The following AGFG1 variants were observed in gnomAD, a reference collection of about 807,000 sequenced individuals.
The protein encoded by AGFG1 is ArfGAP with FG repeats 1.
Under a neutral mutation model 60.6 loss-of-function variants are expected in AGFG1, and 10 were observed. The observed-to-expected ratio is 0.16, with a 90% CI of 0.10 to 0.28. The LOEUF (loss-of-function observed/expected upper bound fraction) is 0.28. AGFG1 is among the 10% of genes least tolerant of loss of function. AGFG1 has a pLI of 1.00. For synonymous variants in AGFG1, 247 were observed against 242.9 expected (o/e 1.02, Z -0.16); for missense variants, 537 against 676.5 (o/e 0.79, Z 2.29).
intron 10 of AGFG1, among the ~76,000 whole-genome samples, chr2:227,538,281 A>G (rs898048505): frequency 1.1e-4 from 16 of 152,222 alleles, no homozygotes; most frequent in African/African-American, 3.9e-4. Context: ...CAGGCCCAGA[A>G]AAGTTAATTG....
intron 5 of AGFG1, among the ~76,000 whole-genome samples, chr2:227,530,470 A>G (rs974779796): frequency 3.9e-5 from 6 of 152,128 alleles, no homozygotes; most frequent in Non-Finnish European, 8.8e-5. Flanking sequence ...TATATGCTAT[A>G]ATTTCTATGC....
At chr2:227,519,700 C>T (rs1195657985) in intron 2 of AGFG1, among the ~76,000 whole-genome samples, 5 of 148,038 alleles carry the variant, frequency 3.4e-5, no homozygotes, top group Non-Finnish European at 5.9e-5. Flanking sequence ...ACTGAAAAGA[C>T]CCCAGGTCCT....
intron 10 of AGFG1, among the ~76,000 whole-genome samples, chr2:227,546,147 C>G (rs1283519765): frequency 2.0e-5 from 3 of 152,208 alleles, no homozygotes; most frequent in African/African-American, 7.2e-5. Context: ...CCACCTAGTT[C>G]AAGCTTCCTG....
intron 2 of AGFG1, among the ~76,000 whole-genome samples, chr2:227,519,079 G>A (rs1273596497): frequency 3.3e-5 from 5 of 152,196 alleles, no homozygotes. Context: ...GGAGGCTGAA[G>A]TGGGAGGATG....
At chr2:227,524,667 G>C in intron 4 of AGFG1, 95 bp from the exon 5 acceptor site, 1 of 1,274,808 alleles carries the variant, frequency 7.8e-7, no homozygotes, top group Non-Finnish European at 1.1e-6. Flanking sequence ...GTAACTCTTC[G>C]TATGTATAAG....
intron 10 of AGFG1, 130 bp from the exon 11 acceptor site, chr2:227,551,829 G>T (rs1692830206): frequency 9.0e-7 from 1 of 1,116,536 alleles, no homozygotes; most frequent in Non-Finnish European, 1.3e-6. Context: ...TGGAATTTTG[G>T]AATTAACCCT....
At chr2:227,553,000 CAA>C (rs5839220) in intron 11 of AGFG1, among the ~76,000 whole-genome samples, 23 of 92,370 alleles carry the variant, frequency 2.5e-4, no homozygotes, top group Admixed American at 5.3e-4. Context: ...AATTCCATCT[CAA>C]AAAAAAAAAA....
At chr2:227,538,568 A>T (rs1027562110) in intron 10 of AGFG1, among the ~76,000 whole-genome samples, 3 of 152,190 alleles carry the variant, frequency 2.0e-5, no homozygotes, top group African/African-American at 4.8e-5. Context: ...CTGAGCCTTC[A>T]TGTTGTCCCT....
chr2:227,505,587 T>C (rs1196144953), intron 2 of AGFG1, among the ~76,000 whole-genome samples: 1 of 152,166 alleles, frequency 6.6e-6, no homozygotes, highest in African/African-American at 2.4e-5. Context: ...AAGCTCTAAT[T>C]TTTAACTTTA....
intron 11 of AGFG1, among the ~76,000 whole-genome samples, chr2:227,552,458 A>AT (rs779323191): frequency 9.9e-5 from 15 of 151,194 alleles, no homozygotes; most frequent in South Asian, 2.1e-4. Context: ...GAATGTTGGG[A>AT]TTTTTTTTTC....
chr2:227,508,822 G>C (rs1290016757), intron 2 of AGFG1, among the ~76,000 whole-genome samples: 1 of 152,068 alleles, frequency 6.6e-6, no homozygotes, highest in Non-Finnish European at 1.5e-5. Context: ...CCTGAAACTA[G>C]TGCAAGGATA....
chr2:227,508,783 T>C (rs1691404625), intron 2 of AGFG1: 1 of 384,780 alleles, frequency 2.6e-6, no homozygotes. Flanking sequence ...AATTATTTAC[T>C]GTTTGTAAAT....
chr2:227,560,730 A>G lies in AGFG1; in HGVS notation c.*6235A>G, dbSNP rs1693113918. 6.6e-6 allele frequency: 1 copy of G among 152,166 alleles called. No homozygotes were observed. Among genetic ancestry groups the G allele is most frequent in the Non-Finnish European group, 1.5e-5 (1 of 67,980 alleles). 9.4% of individuals were successfully genotyped at this position (152,166 alleles called of 1,614,324 possible). ...CAACCACATTTGTTCATTATACAAA[A>G]TTAGCTTCCTATGCTTTAGAAAAAA... On this transcript the variant is annotated 3_prime_UTR_variant, in exon 13 of 13. Coordinates refer to ENST00000310078, the MANE Select transcript of AGFG1 (RefSeq NM_004504.5).
At chr2:227,501,401 A>G (rs1056339678) in intron 2 of AGFG1, among the ~76,000 whole-genome samples, 1 of 152,228 alleles carries the variant, frequency 6.6e-6, no homozygotes, top group South Asian at 2.1e-4. Flanking sequence ...ATCATTAATT[A>G]GAATTCAGTA....
chr2:227,499,303 G>A (rs1691077706), intron 2 of AGFG1, among the ~76,000 whole-genome samples: 1 of 151,666 alleles, frequency 6.6e-6, no homozygotes, highest in South Asian at 2.1e-4. Flanking sequence ...TCCACACATC[G>A]AGTGGTTAAA....
At chr2:227,527,002 T>G (rs1692013788) in intron 5 of AGFG1, among the ~76,000 whole-genome samples, 1 of 152,216 alleles carries the variant, frequency 6.6e-6, no homozygotes, top group Admixed American at 6.5e-5. Flanking sequence ...ATGCAAACCT[T>G]GCAGAGGTAC....
intron 1 of AGFG1, among the ~76,000 whole-genome samples, chr2:227,479,121 T>G (rs998571505): frequency 6.6e-6 from 1 of 152,222 alleles, no homozygotes; most frequent in African/African-American, 2.4e-5. Flanking sequence ...GCATTAACTT[T>G]AGGTTTCTCA....
At chr2:227,540,023 A>G (rs1272739689) in intron 10 of AGFG1, among the ~76,000 whole-genome samples, 1 of 151,816 alleles carries the variant, frequency 6.6e-6, no homozygotes, top group Non-Finnish European at 1.5e-5. Context: ...TTTAGTAGAG[A>G]TGGGGTTTTG....
intron 1 of AGFG1, among the ~76,000 whole-genome samples, chr2:227,475,232 C>T (rs756896278): frequency 2.2e-4 from 33 of 152,288 alleles, no homozygotes; most frequent in Admixed American, 8.5e-4. Context: ...TTTCCTCATT[C>T]GAGCATGGTT....
Sources: allele counts gnomAD v4.1 joint callset (sites outside exome capture counted in the v4.1 genomes callset), GRCh38; gene constraint gnomAD v4.1.1; transcripts MANE v1.5; gene names NCBI Gene and HGNC (gene_info 2026-07-23, HGNC 2026-07-21).